IQCH: variants seen among roughly 807,000 people sequenced by gnomAD.
IQCH encodes IQ motif containing H.
IQCH carries 98 observed loss-of-function variants against 117.0 expected under a neutral mutation model. The ratio of observed to expected loss-of-function variants is 0.84; its 90% CI spans 0.71 to 0.99. The LOEUF is 0.99. Among genes scored for constraint, IQCH ranks in the 50% least tolerant of loss-of-function variants. The pLI is 0.00. For synonymous variants in IQCH, 412 were observed against 448.2 expected, an observed-to-expected ratio of 0.92 and a Z score of 1.02; for missense variants, 1,102 against 1,243.8, an observed-to-expected ratio of 0.89 and a Z score of 1.72.
intron 4 of IQCH, among the ~76,000 whole-genome samples, chr15:67,322,017 T>A (rs942694055): frequency 1.1e-4 from 16 of 152,352 alleles, no homozygotes; most frequent in South Asian, 6.2e-4. Context: ...ACTGATTTTT[T>A]AAAAATTAAT....
At position 67,296,010 on chromosome 15, in the gene IQCH, C is replaced by T. The variant is rs138163086; in HGVS notation, c.387+16498C>T. Among the ~76,000 whole-genome samples, 1,448 of 152,224 alleles carry T rather than the reference C, an allele frequency of 9.5e-3. 22 individuals are homozygous for T. The highest frequency in any genetic ancestry group is 0.037 in the Middle Eastern group (11 of 294). On this transcript the variant is annotated intron_variant, in intron 4 of 20. Coordinates refer to ENST00000335894, the MANE Select transcript of IQCH (RefSeq NM_001031715.3). Reference sequence around the variant, plus strand: ...TCCTCTTATTCTCTATCCCATTATCCTAGTGTATTTTATTTAGAGCATTTA... The same window carrying T: ...TCCTCTTATTCTCTATCCCATTATCTTAGTGTATTTTATTTAGAGCATTTA...
rs2081914974 is a variant in IQCH, at chr15:67,427,291, T to C, written c.2505+5714T>C. 1.3e-5 allele frequency among the ~76,000 whole-genome samples: 2 copies of C among 152,212 alleles called. No individual in the cohort carries two copies. The highest frequency in any genetic ancestry group is 6.5e-5 in the Admixed American group (1 of 15,276). ...CCCTACCCCTCCATGCCTCATGTGCTTGGATCCCAATCCTGTCATTTGTGT... is the reference window on the plus strand; with the variant it reads ...CCCTACCCCTCCATGCCTCATGTGCCTGGATCCCAATCCTGTCATTTGTGT... On this transcript the variant is annotated intron_variant, in intron 16 of 20. Coordinates refer to ENST00000335894, the MANE Select transcript of IQCH (RefSeq NM_001031715.3). The surrounding 1 kb of genome is among the most constrained non-coding windows in gnomAD (Gnocchi z 4.7).
chr15:67,269,432 C>G (rs1965810353), intron 3 of IQCH, among the ~76,000 whole-genome samples: 2 of 152,208 alleles, frequency 1.3e-5, no homozygotes, highest in Admixed American at 1.3e-4. Context: ...GTGTAAAGAT[C>G]AAATCAAGGT....
intron 3 of IQCH, among the ~76,000 whole-genome samples, chr15:67,266,365 C>G (rs1208247294): frequency 6.6e-6 from 1 of 152,026 alleles, no homozygotes; most frequent in Non-Finnish European, 1.5e-5. Flanking sequence ...TATCTCAAGA[C>G]ATCATACTCC....
At chr15:67,360,903 C>T (rs995589768) in intron 8 of IQCH, among the ~76,000 whole-genome samples, 4 of 152,220 alleles carry the variant, frequency 2.6e-5, no homozygotes, top group African/African-American at 9.6e-5. Context: ...CGTCCCTTGA[C>T]GTCTTACTGT....
chr15:67,277,897 C>T (rs1966196048), intron 3 of IQCH, among the ~76,000 whole-genome samples: 1 of 152,146 alleles, frequency 6.6e-6, no homozygotes, highest in Non-Finnish European at 1.5e-5. Context: ...TTAGAAACCC[C>T]TTCTTAAAAA....
At chr15:67,349,826 C>G (rs187104439) in intron 6 of IQCH, among the ~76,000 whole-genome samples, 2 of 152,224 alleles carry the variant, frequency 1.3e-5, no homozygotes, top group African/African-American at 4.8e-5. Flanking sequence ...GCATGCTTAA[C>G]ATCATTAGTC....
Position 67,463,435 on chromosome 15 carries a change from A to G in IQCH, c.2506-1692A>G, listed in dbSNP as rs1596440292. On this transcript the variant is annotated intron_variant, in intron 16 of 20. Coordinates refer to ENST00000335894, the MANE Select transcript of IQCH (RefSeq NM_001031715.3). This position sits in a 1 kb window ranked among gnomAD's most constrained non-coding sequence, Gnocchi z 4.0. ...ACATAGGATAAGGATTGGCTGGGCC[A>G]GAATCAGGGAATGGGAAGAAGGTAG... is the stretch of plus-strand genomic sequence containing the variant. Among the ~76,000 whole-genome samples the G allele has an allele frequency of 6.6e-6, 1 of 152,230 alleles. No homozygotes were observed. The highest frequency in any genetic ancestry group is 1.5e-5 in the Non-Finnish European group (1 of 68,044).
Position 67,494,243 on chromosome 15 carries a change from G to C in IQCH, c.2862-15G>C, listed in dbSNP as rs1483120379. The C allele has an allele frequency of 6.3e-7, 1 of 1,583,360 alleles. No homozygotes were observed. The highest frequency in any genetic ancestry group is 1.4e-5 in the African/African-American group (1 of 73,790). ...GAATCGTTGGTAAACTCATTTGTTT[G>C]GATATCATTAACAGAACAATCGGCG... On this transcript the variant is annotated splice_polypyrimidine_tract_variant and intron_variant, in intron 19 of 20. Coordinates refer to ENST00000335894, the MANE Select transcript of IQCH (RefSeq NM_001031715.3). The surrounding 1 kb of genome is among the most constrained non-coding windows in gnomAD (Gnocchi z 5.5).
intron 4 of IQCH, among the ~76,000 whole-genome samples, chr15:67,314,309 A>T (rs1249961942): frequency 1.3e-5 from 2 of 151,944 alleles, no homozygotes; most frequent in Admixed American, 1.3e-4. Flanking sequence ...TCCTATTGCC[A>T]CTTCCCAGCC....
At chr15:67,480,832 G>A (rs1051430209) in intron 18 of IQCH, among the ~76,000 whole-genome samples, 4 of 152,108 alleles carry the variant, frequency 2.6e-5, no homozygotes, top group Non-Finnish European at 5.9e-5. Flanking sequence ...AGGAGAAACA[G>A]TTGGAAATTT....
intron 6 of IQCH, among the ~76,000 whole-genome samples, chr15:67,347,732 G>A (rs1460126597): frequency 6.7e-6 from 1 of 149,920 alleles, no homozygotes; most frequent in Non-Finnish European, 1.5e-5. Context: ...CTACAGCCCA[G>A]TATTCTTTAT....
intron 5 of IQCH, among the ~76,000 whole-genome samples, chr15:67,337,364 T>C (rs2140659357): frequency 6.6e-6 from 1 of 152,324 alleles, no homozygotes; most frequent in South Asian, 2.1e-4. Context: ...ATTAAAATGA[T>C]CATTGTGTTT....
chr15:67,312,928 T>C (rs772303895), intron 4 of IQCH, among the ~76,000 whole-genome samples: 3 of 152,136 alleles, frequency 2.0e-5, no homozygotes, highest in Non-Finnish European at 4.4e-5. Context: ...TATACATTCC[T>C]AGACTTTTAA....
chr15:67,300,391 A>C (rs1295786122), intron 4 of IQCH, among the ~76,000 whole-genome samples: 1 of 152,182 alleles, frequency 6.6e-6, no homozygotes, highest in Non-Finnish European at 1.5e-5. Flanking sequence ...AAGGGTTACT[A>C]CCCAGTTTTA....
At chr15:67,341,011 A>G (rs1040074237) in intron 5 of IQCH, among the ~76,000 whole-genome samples, 1 of 152,154 alleles carries the variant, frequency 6.6e-6, no homozygotes, top group African/African-American at 2.4e-5. Context: ...CGGGAGTTTG[A>G]GACCAGCCTG....
chr15:67,465,109 G>C lies in IQCH; in HGVS notation c.2506-18G>C. 1 of 1,610,842 alleles carries C rather than the reference G, an allele frequency of 6.2e-7. No homozygotes were observed. The highest frequency in any genetic ancestry group is 8.5e-7 in the Non-Finnish European group (1 of 1,177,770). On this transcript the variant is annotated intron_variant, in intron 16 of 20. Transcript: ENST00000335894. This position sits in a 1 kb window ranked among gnomAD's most constrained non-coding sequence, Gnocchi z 5.9. ...TTGCTGATTTCACCCTCACTTCTACGGCTCCTGTTTTAATCAGGTGTGGGC... is the reference window on the plus strand; with the variant it reads ...TTGCTGATTTCACCCTCACTTCTACCGCTCCTGTTTTAATCAGGTGTGGGC...
intron 12 of IQCH, among the ~76,000 whole-genome samples, chr15:67,392,034 G>A (rs548889676): frequency 1.3e-5 from 2 of 152,296 alleles, no homozygotes; most frequent in East Asian, 1.9e-4. Context: ...GGAACTTGTG[G>A]CAGCAGTGGC....
Position 67,476,313 on chromosome 15 carries a change from C to T in IQCH, c.2799+495C>T, listed in dbSNP as rs2083200394. 6.6e-6 allele frequency among the ~76,000 whole-genome samples: 1 copy of T among 152,244 alleles called. No individual in the cohort carries two copies. Among genetic ancestry groups the T allele is most frequent in the Admixed American group, 6.5e-5 (1 of 15,286 alleles). ...TTTGGTTCCTGGTGAGGGCCTGCTT[C>T]CTGGCTTGTAAATGGCTGCCTCCTT... On this transcript the variant is annotated intron_variant, in intron 18 of 20. Coordinates refer to ENST00000335894, the MANE Select transcript of IQCH (RefSeq NM_001031715.3). This position sits in a 1 kb window ranked among gnomAD's most constrained non-coding sequence, Gnocchi z 4.1.
Sources: gnomAD v4.1 joint callset for allele counts (sites outside exome capture counted in the v4.1 genomes callset) on GRCh38, gnomAD v4.1.1 for gene constraint, Gnocchi (gnomAD v3.1) non-coding constraint, MANE v1.5 for transcripts, NCBI Gene and HGNC (gene_info 2026-07-23, HGNC 2026-07-21) for gene names.